CHAC2: variants seen among roughly 807,000 people sequenced by gnomAD.
CHAC2 encodes glutathione-specific gamma-glutamylcyclotransferase 2.
A neutral mutation model predicts 16.9 loss-of-function variants in CHAC2; 20 were observed. That is an observed-to-expected ratio of 1.18 (90% confidence interval 0.83 to 1.72). The LOEUF (loss-of-function observed/expected upper bound fraction) is 1.72. CHAC2 is among the 40% of genes most tolerant of loss of function. CHAC2 has a pLI of 0.00. For missense variants in CHAC2, 269 were observed against 222.2 expected, an observed-to-expected ratio of 1.21 and a Z score of -1.34; for synonymous variants, 91 against 77.3, an observed-to-expected ratio of 1.18 and a Z score of -0.93.
At position 53,775,061 on chromosome 2, in the gene CHAC2, T is replaced by C. The variant is rs564475953; in HGVS notation, c.*536T>C. ...AATCTTTTGAGTTTTTAGCCAAAAA[T>C]TGGCATTTTTAAAATACGAAAATTT... On this transcript the variant is annotated 3_prime_UTR_variant, in exon 3 of 3. Transcript: ENST00000295304. 18 of 152,772 alleles carry C rather than the reference T, an allele frequency of 1.2e-4. No homozygotes were observed. Among genetic ancestry groups the C allele is most frequent in the African/African-American group, 3.8e-4 (16 of 41,582 alleles). 9.5% of individuals were successfully genotyped at this position (152,772 alleles called of 1,614,324 possible).
At chr2:53,768,524 A>G (rs1673661266) in intron 1 of CHAC2, among the ~76,000 whole-genome samples, 1 of 152,208 alleles carries the variant, frequency 6.6e-6, no homozygotes, top group Admixed American at 6.5e-5. Context: ...ATCTTTCAAA[A>G]GTTTTATTTT....
intron 2 of CHAC2, among the ~76,000 whole-genome samples, chr2:53,773,752 C>T (rs1260639763): frequency 6.6e-6 from 1 of 151,188 alleles, no homozygotes; most frequent in Non-Finnish European, 1.5e-5. Flanking sequence ...ATACAAGATA[C>T]AGGCAGGCAT....
In CHAC2 at chr2:53,767,838, C is replaced by T. The variant is rs773494026; in HGVS notation, c.-49C>T. On this transcript the variant is annotated 5_prime_UTR_variant, in exon 1 of 3. Transcript: ENST00000295304. ...CCGGAGGCTTCAGTCCCCGGCGGCG[C>T]GGCGACAGCTAGGGTTCACGGCCAC... The T allele has an allele frequency of 6.4e-7, 1 of 1,560,532 alleles. No homozygotes were observed. Among genetic ancestry groups the T allele is most frequent in the Non-Finnish European group, 8.7e-7 (1 of 1,150,132 alleles).
chr2:53,773,063 CAGTT>C (rs1203594545), intron 2 of CHAC2, among the ~76,000 whole-genome samples: 2 of 151,992 alleles, frequency 1.3e-5, no homozygotes, highest in Non-Finnish European at 2.9e-5. Flanking sequence ...AAAAATCAAG[CAGTT>C]AGTAATGGCA....
chr2:53,770,498 TAAAA>T (rs76201682), intron 1 of CHAC2, among the ~76,000 whole-genome samples: 7,111 of 110,524 alleles, frequency 0.064, 342 homozygotes, highest in East Asian at 0.29. Flanking sequence ...GAAGTTTATT[TAAAA>T]AAAAAAAAAA....
chr2:53,770,509 A>AG (rs922973174), intron 1 of CHAC2, among the ~76,000 whole-genome samples: 1 of 151,250 alleles, frequency 6.6e-6, no homozygotes, highest in Non-Finnish European at 1.5e-5. Flanking sequence ...AAAAAAAAAA[A>AG]AAAAAAAAAA....
intron 2 of CHAC2, among the ~76,000 whole-genome samples, chr2:53,773,747 A>C (rs1674117049): frequency 6.6e-6 from 1 of 151,432 alleles, no homozygotes; most frequent in Non-Finnish European, 1.5e-5. Flanking sequence ...AAAATATACA[A>C]GATACAGGCA....
chr2:53,769,978 A>G (rs941346598), intron 1 of CHAC2, among the ~76,000 whole-genome samples: 20 of 152,250 alleles, frequency 1.3e-4, no homozygotes, highest in African/African-American at 4.6e-4. Flanking sequence ...TAGAATGACA[A>G]TATAAGCTAC....
At chr2:53,772,031 A>G (rs1473160146) in intron 2 of CHAC2, 89 bp downstream of exon 2, 3 of 756,360 alleles carry the variant, frequency 4.0e-6, no homozygotes, top group Non-Finnish European at 6.5e-6. Flanking sequence ...ATCATCACAG[A>G]CAATTTGAAC....
intron 2 of CHAC2, 41 bp from the exon 3 acceptor site, chr2:53,774,101 T>G: frequency 2.0e-6 from 3 of 1,526,976 alleles, no homozygotes; most frequent in Non-Finnish European, 2.6e-6. Flanking sequence ...CTATTTTAAT[T>G]AGCCTTATAA....
intron 1 of CHAC2, chr2:53,768,263 G>A (rs962485114): frequency 2.0e-5 from 9 of 457,920 alleles, no homozygotes; most frequent in South Asian, 1.4e-4. Flanking sequence ...GGCGAGAAGC[G>A]CGGGCACAGG....
At position 53,771,946 on chromosome 2, in the gene CHAC2, T is replaced by C. The variant is rs945214874; in HGVS notation, c.171+4T>C. 2.0e-6 allele frequency: 3 copies of C among 1,502,224 alleles called. No homozygotes were observed. The highest frequency in any genetic ancestry group is 2.3e-5 in the East Asian group (1 of 43,022). 93.1% of individuals were successfully genotyped at this position (1,502,224 alleles called of 1,614,324 possible). A position where few individuals can be genotyped will look rare whatever the true frequency, so the allele number is the denominator to read the frequency against. On this transcript the variant is annotated splice_donor_region_variant and intron_variant, in intron 2 of 2. Transcript: ENST00000295304. ...GACTCTTGTTGAAGATCCTGCGGTA[T>C]GGTATAAATATTCTTTTTTGTATAA...
chr2:53,770,006 A>C (rs1259818860), intron 1 of CHAC2, among the ~76,000 whole-genome samples: 1 of 152,208 alleles, frequency 6.6e-6, no homozygotes, highest in Non-Finnish European at 1.5e-5. Context: ...AAGAATCAAG[A>C]TTTCATCTTC....
rs761198959 is a variant in CHAC2, at chr2:53,767,840, G to A, written c.-47G>A. On this transcript the variant is annotated 5_prime_UTR_variant, in exon 1 of 3. Coordinates refer to ENST00000295304, the MANE Select transcript of CHAC2 (RefSeq NM_001008708.4). ...GGAGGCTTCAGTCCCCGGCGGCGCG[G>A]CGACAGCTAGGGTTCACGGCCACTG... 5.8e-6 allele frequency: 9 copies of A among 1,563,056 alleles called. No individual in the cohort carries two copies. The highest frequency in any genetic ancestry group is 1.3e-5 in the African/African-American group (1 of 74,116).
At chr2:53,769,980 A>G (rs1378758752) in intron 1 of CHAC2, among the ~76,000 whole-genome samples, 3 of 152,262 alleles carry the variant, frequency 2.0e-5, no homozygotes, top group Admixed American at 6.5e-5. Flanking sequence ...GAATGACAAT[A>G]TAAGCTACTG....
chr2:53,772,077 G>GT (rs954986506), intron 2 of CHAC2, 135 bp downstream of exon 2: 68 of 578,896 alleles, frequency 1.2e-4, no homozygotes, highest in African/African-American at 2.0e-4. Flanking sequence ...GTATTTGTGG[G>GT]TTTTTTTTGT....
chr2:53,767,796 G>A (rs990858760), upstream of CHAC2: 19 of 1,489,510 alleles, frequency 1.3e-5, no homozygotes, highest in Admixed American at 4.4e-5. Flanking sequence ...CGCCCCGCGC[G>A]GCCGGTTACT....
Position 53,774,539 on chromosome 2 carries a change from G to T in CHAC2, c.*14G>T. The T allele has an allele frequency of 6.6e-7, 1 of 1,507,202 alleles. No homozygotes were observed. Among genetic ancestry groups the T allele is most frequent in the Non-Finnish European group, 8.9e-7 (1 of 1,128,562 alleles). 93.4% of individuals were successfully genotyped at this position (1,507,202 alleles called of 1,614,324 possible). A position where few individuals can be genotyped will look rare whatever the true frequency, so the allele number is the denominator to read the frequency against. The stretch of plus-strand genomic sequence containing the variant: ...AATTGCATATAATTTAGTCTTCAGA[G>T]AATTAACTTCAGTGCACAATGACAA... On this transcript the variant is annotated 3_prime_UTR_variant, in exon 3 of 3. Transcript: ENST00000295304.
At chr2:53,774,043 C>T (rs1573020043) in intron 2 of CHAC2, 99 bp from the exon 3 acceptor site, 2 of 1,295,032 alleles carry the variant, frequency 1.5e-6, no homozygotes, top group East Asian at 2.4e-5. Flanking sequence ...CAAAAACAAA[C>T]AGAAAAGAAT....
Sources: gnomAD v4.1 joint callset for allele counts (sites outside exome capture counted in the v4.1 genomes callset) on GRCh38, gnomAD v4.1.1 for gene constraint, MANE v1.5 for transcripts, NCBI Gene and HGNC (gene_info 2026-07-23, HGNC 2026-07-21) for gene names.